The following GLRA1 variants were observed in gnomAD, a reference collection of about 807,000 sequenced individuals.
GLRA1 encodes the protein glycine receptor alpha 1.
Under a neutral mutation model 48.3 loss-of-function variants are expected in GLRA1, and 37 were observed. That is an observed-to-expected ratio of 0.77 (90% CI 0.59 to 1.01). The LOEUF is 1.01. Ranked by LOEUF, GLRA1 falls within the 50% of genes least tolerant of loss-of-function variation. The pLI, the probability that GLRA1 is intolerant of heterozygous loss-of-function variation, is 0.00. For missense variants in GLRA1, 427 were observed against 571.0 expected (o/e 0.75, Z 2.57); for synonymous variants, 196 against 210.7 (o/e 0.93, Z 0.60).
At chr5:151,916,560 G>A (rs1754747371) in intron 1 of GLRA1, among the ~76,000 whole-genome samples, 1 of 152,214 alleles carries the variant, frequency 6.6e-6, no homozygotes, top group South Asian at 2.1e-4. Flanking sequence ...AGGTCAGACA[G>A]GTGGTAGAAT....
chr5:151,835,383 A>G (rs2113303615), intron 7 of GLRA1, among the ~76,000 whole-genome samples: 1 of 152,310 alleles, frequency 6.6e-6, no homozygotes, highest in East Asian at 1.9e-4. Flanking sequence ...AAACTATTCC[A>G]AACAATAGAA....
intron 1 of GLRA1, among the ~76,000 whole-genome samples, chr5:151,915,339 T>TA (rs1754713231): frequency 6.6e-6 from 1 of 152,204 alleles, no homozygotes; most frequent in Non-Finnish European, 1.5e-5. Flanking sequence ...TCTATCAACA[T>TA]ATAAGATGCA....
chr5:151,876,892 T>C (rs1753640062), intron 3 of GLRA1, among the ~76,000 whole-genome samples: 1 of 152,014 alleles, frequency 6.6e-6, no homozygotes, highest in Non-Finnish European at 1.5e-5. Flanking sequence ...CCTAATTCAG[T>C]AGGATTTGTG....
At chr5:151,904,172 T>C (rs1256617638) in intron 1 of GLRA1, among the ~76,000 whole-genome samples, 2 of 152,208 alleles carry the variant, frequency 1.3e-5, no homozygotes, top group Non-Finnish European at 2.9e-5. Flanking sequence ...AATGCCCCTT[T>C]ACCCTTTCAG....
intron 1 of GLRA1, among the ~76,000 whole-genome samples, chr5:151,893,300 C>CTTTCTTT (rs1754138476): frequency 1.5e-5 from 2 of 131,136 alleles, no homozygotes; most frequent in African/African-American, 6.0e-5. Context: ...TTCTTTCTTT[C>CTTTCTTT]TTTCTTTCTT....
At position 151,879,923 on chromosome 5, in the gene GLRA1, T is replaced by C. The variant is rs182797214; in HGVS notation, c.252+6798A>G. On this transcript the variant is annotated intron_variant, in intron 3 of 8. Coordinates refer to ENST00000274576, the MANE Select transcript of GLRA1 (RefSeq NM_000171.4). ...GACCTGGTGGGAGATAATTGAATCG[T>C]TGGGGGCAGGTCTTTCCCAAGCTGT... Among the ~76,000 whole-genome samples the C allele has an allele frequency of 9.9e-5, 15 of 152,262 alleles. No homozygotes were observed. The Middle Eastern group carries it at 0.01, about 104-fold the overall frequency.
At chr5:151,918,656 G>T (rs774087972) in intron 1 of GLRA1, among the ~76,000 whole-genome samples, 2 of 152,144 alleles carry the variant, frequency 1.3e-5, no homozygotes, top group South Asian at 4.1e-4. Context: ...ATAGAATTGC[G>T]AGGGATTGTC....
chr5:151,898,482 G>A (rs1258978435), intron 1 of GLRA1, among the ~76,000 whole-genome samples: 1 of 152,176 alleles, frequency 6.6e-6, no homozygotes, highest in African/African-American at 2.4e-5. Context: ...AGACTGGGGA[G>A]AAACAATTTC....
At chr5:151,871,313 G>A (rs1753478219) in intron 3 of GLRA1, among the ~76,000 whole-genome samples, 1 of 149,136 alleles carries the variant, frequency 6.7e-6, no homozygotes, top group South Asian at 2.1e-4. Context: ...AAAGTGTAAT[G>A]GAAAAAGGAA....
intron 1 of GLRA1, among the ~76,000 whole-genome samples, chr5:151,905,945 G>T (rs1332254725): frequency 1.3e-5 from 2 of 152,076 alleles, no homozygotes. Context: ...TATGTCTTCT[G>T]CCTGTGTCAT....
intron 7 of GLRA1, among the ~76,000 whole-genome samples, chr5:151,833,857 A>C (rs1418615877): frequency 6.6e-6 from 1 of 150,600 alleles, no homozygotes; most frequent in African/African-American, 2.5e-5. Context: ...CAGACTTTAA[A>C]CCAATAAAGA....
chr5:151,849,521 T>TTTC (rs1561555324), intron 7 of GLRA1, among the ~76,000 whole-genome samples: 1 of 131,164 alleles, frequency 7.6e-6, no homozygotes, highest in Non-Finnish European at 1.6e-5. Context: ...TTCTTTCTTT[T>TTTC]TTTCTTTCTT....
At chr5:151,911,492 G>A (rs2113452602) in intron 1 of GLRA1, among the ~76,000 whole-genome samples, 1 of 152,094 alleles carries the variant, frequency 6.6e-6, no homozygotes, top group South Asian at 2.1e-4. Flanking sequence ...TAACAGATGA[G>A]GAAAATCGAG....
At chr5:151,856,554 TG>T (rs1753049123) in intron 4 of GLRA1, among the ~76,000 whole-genome samples, 171 bp from the exon 5 acceptor site, 1 of 152,220 alleles carries the variant, frequency 6.6e-6, no homozygotes, top group Non-Finnish European at 1.5e-5. Flanking sequence ...GATCTCTCTT[TG>T]TGGCCCAGGC....
At chr5:151,912,054 C>A (rs1378030671) in intron 1 of GLRA1, among the ~76,000 whole-genome samples, 5 of 152,160 alleles carry the variant, frequency 3.3e-5, no homozygotes, top group African/African-American at 1.2e-4. Flanking sequence ...AAAGTTAGAG[C>A]AGAATTTGCA....
At chr5:151,896,174 G>T (rs1283858992) in intron 1 of GLRA1, among the ~76,000 whole-genome samples, 1 of 152,148 alleles carries the variant, frequency 6.6e-6, no homozygotes, top group Non-Finnish European at 1.5e-5. Context: ...GAGTCTTCTG[G>T]TTATTCTAAC....
At position 151,869,834 on chromosome 5, in the gene GLRA1, G is replaced by A. The variant is rs1037452740; in HGVS notation, c.253-9826C>T. Among the ~76,000 whole-genome samples the A allele has an allele frequency of 2.4e-4, 36 of 149,840 alleles. 6 individuals are homozygous for A. The highest frequency in any genetic ancestry group is 8.9e-4 in the African/African-American group (35 of 39,242). ...GGAGAGGAAACCAAAATTTAGAGTGGTTAAATGGAGGTTAAGTTTCTTGCC... is the reference window on the plus strand; with the variant it reads ...GGAGAGGAAACCAAAATTTAGAGTGATTAAATGGAGGTTAAGTTTCTTGCC... On this transcript the variant is annotated intron_variant, in intron 3 of 8. Transcript: ENST00000274576.
At chr5:151,865,061 T>G (rs1464044593) in intron 3 of GLRA1, among the ~76,000 whole-genome samples, 1 of 152,238 alleles carries the variant, frequency 6.6e-6, no homozygotes, top group Non-Finnish European at 1.5e-5. Context: ...AGATGGTCTC[T>G]AAGAACTTTT....
At chr5:151,848,446 A>C (rs931442149) in intron 7 of GLRA1, among the ~76,000 whole-genome samples, 2 of 152,072 alleles carry the variant, frequency 1.3e-5, no homozygotes, top group Non-Finnish European at 2.9e-5. Flanking sequence ...GGCTCACTGC[A>C]ATCTCCGCCT....
Sources: allele counts gnomAD v4.1 joint callset (sites outside exome capture counted in the v4.1 genomes callset), GRCh38; gene constraint gnomAD v4.1.1; transcripts MANE v1.5; gene names NCBI Gene and HGNC (gene_info 2026-07-23, HGNC 2026-07-21).